Variants in ANXA8 observed in about 807,000 individuals in gnomAD.
ANXA8 encodes the protein annexin A8.
A neutral mutation model predicts 26.8 loss-of-function variants in ANXA8; 9 were observed. The observed-to-expected ratio is 0.34, with a 90% confidence interval of 0.20 to 0.59. ANXA8 has a LOEUF of 0.59. Among genes scored for constraint, ANXA8 ranks in the 20% least tolerant of loss-of-function variants. ANXA8 has a pLI of 0.84. For missense variants in ANXA8, 83 were observed against 238.5 expected, an observed-to-expected ratio of 0.35 and a Z score of 4.29; for synonymous variants, 39 against 94.8, an observed-to-expected ratio of 0.41 and a Z score of 3.42.
the ANXA8 span, among the ~76,000 whole-genome samples, chr10:47,777,880 G>C: frequency 6.6e-6 from 1 of 151,712 alleles, no homozygotes; most frequent in Admixed American, 6.6e-5. Flanking sequence ...TCAGCCTTCA[G>C]AGCAGCAGGG....
At chr10:47,731,244 T>C in the ANXA8 span, among the ~76,000 whole-genome samples, 1 of 150,542 alleles carries the variant, frequency 6.6e-6, no homozygotes, top group African/African-American at 2.4e-5. Context: ...CTGTGTATGT[T>C]TTTAAAAATT....
At chr10:47,776,099 C>A in the ANXA8 span, among the ~76,000 whole-genome samples, 1 of 152,054 alleles carries the variant, frequency 6.6e-6, no homozygotes, top group African/African-American at 2.4e-5. Flanking sequence ...AGAGCACAGT[C>A]AGGAGGAAAC....
At chr10:47,486,995 C>CA (rs1307826833), upstream of ANXA8, among the ~76,000 whole-genome samples, 2 of 150,238 alleles carry the variant, frequency 1.3e-5, no homozygotes, top group East Asian at 4.0e-4. Context: ...AAAACAAAAA[C>CA]AAAAAAACAA....
At chr10:47,660,835 A>G in the ANXA8 span, among the ~76,000 whole-genome samples, 1 of 149,524 alleles carries the variant, frequency 6.7e-6, no homozygotes, top group African/African-American at 2.5e-5. Context: ...AAAAGGCTAC[A>G]TTCATGAGTG....
At chr10:47,565,947 G>A in the ANXA8 span, 8 of 1,496,500 alleles carry the variant, frequency 5.3e-6, no homozygotes, top group Non-Finnish European at 7.1e-6. Context: ...GGGCGCGCGC[G>A]CGGCGAGGAG....
At chr10:47,682,966 A>G in the ANXA8 span, among the ~76,000 whole-genome samples, 1 of 152,244 alleles carries the variant, frequency 6.6e-6, no homozygotes, top group Non-Finnish European at 1.5e-5. Context: ...GAATGTGATT[A>G]CAGATGTCTC....
chr10:47,665,872 T>C, the ANXA8 span, among the ~76,000 whole-genome samples: 1 of 151,810 alleles, frequency 6.6e-6, no homozygotes, highest in Non-Finnish European at 1.5e-5. Context: ...ATAACTCAAT[T>C]TGGAGAGCAC....
the ANXA8 span, among the ~76,000 whole-genome samples, chr10:47,687,613 C>T: frequency 2.0e-5 from 3 of 151,796 alleles, no homozygotes; most frequent in Non-Finnish European, 2.9e-5. Context: ...TTGGGTTTGA[C>T]ATATTAATGT....
chr10:47,687,813 A>G, the ANXA8 span, among the ~76,000 whole-genome samples: 1 of 151,788 alleles, frequency 6.6e-6, no homozygotes, highest in African/African-American at 2.4e-5. Context: ...TTAAAAAGAG[A>G]GTCTCGCCAG....
the ANXA8 span, among the ~76,000 whole-genome samples, chr10:47,688,568 T>C: frequency 2.2e-4 from 34 of 151,656 alleles, 1 homozygote; most frequent in East Asian, 9.8e-4. Flanking sequence ...ACTATAGGCA[T>C]GGGCCATCAC....
At chr10:47,682,532 C>T in the ANXA8 span, among the ~76,000 whole-genome samples, 4 of 148,518 alleles carry the variant, frequency 2.7e-5, no homozygotes, top group Admixed American at 6.8e-5. Context: ...TACAGTGACG[C>T]GATCTTGGCT....
At chr10:47,765,740 C>T in the ANXA8 span, among the ~76,000 whole-genome samples, 2 of 148,958 alleles carry the variant, frequency 1.3e-5, no homozygotes, top group African/African-American at 5.0e-5. Flanking sequence ...CTCAGCTCTT[C>T]AGATTCCATG....
chr10:47,649,480 T>A, the ANXA8 span, among the ~76,000 whole-genome samples: 8 of 150,980 alleles, frequency 5.3e-5, no homozygotes, highest in African/African-American at 2.0e-4. Flanking sequence ...GCCATCTTGG[T>A]TCACTGCAAC....
the ANXA8 span, among the ~76,000 whole-genome samples, chr10:47,709,400 T>C: frequency 3.3e-5 from 5 of 150,868 alleles, 1 homozygote; most frequent in Non-Finnish European, 7.3e-5. Context: ...CAAGCATACT[T>C]CTCTTACCTT....
the ANXA8 span, among the ~76,000 whole-genome samples, chr10:47,952,235 G>GGTA: frequency 5.3e-5 from 8 of 151,860 alleles, no homozygotes; most frequent in South Asian, 1.2e-3. Flanking sequence ...GTCCACTTTT[G>GGTA]CCATGATCAT....
the ANXA8 span, among the ~76,000 whole-genome samples, chr10:47,570,375 A>G: frequency 6.8e-6 from 1 of 147,812 alleles, no homozygotes; most frequent in African/African-American, 2.6e-5. Context: ...TATCAGTATC[A>G]GTATAGTTAA....
the ANXA8 span, among the ~76,000 whole-genome samples, chr10:47,667,767 T>C: frequency 6.6e-6 from 1 of 151,870 alleles, no homozygotes; most frequent in Non-Finnish European, 1.5e-5. Context: ...AGATAGAGTA[T>C]CACTCTGTTG....
the ANXA8 span, among the ~76,000 whole-genome samples, chr10:47,658,650 T>C: frequency 1.8e-4 from 25 of 136,770 alleles, no homozygotes. Flanking sequence ...AATATTCTAT[T>C]TGAAATGCCC....
the ANXA8 span, among the ~76,000 whole-genome samples, chr10:47,969,496 T>C: frequency 6.9e-6 from 1 of 144,980 alleles, no homozygotes; most frequent in Admixed American, 7.0e-5. Context: ...GGCGGCTGTG[T>C]TCCCATAAGG....
Sources: gnomAD v4.1 joint callset for allele counts (sites outside exome capture counted in the v4.1 genomes callset) on GRCh38, gnomAD v4.1.1 for gene constraint, MANE v1.5 for transcripts, NCBI Gene and HGNC (gene_info 2026-07-23, HGNC 2026-07-21) for gene names.